The following AGBL4 variants were observed in gnomAD, a reference collection of about 807,000 sequenced individuals.
AGBL4 encodes AGBL carboxypeptidase 4.
Under a neutral mutation model 66.4 loss-of-function variants are expected in AGBL4, and 58 were observed. That is an observed-to-expected ratio of 0.87 (90% confidence interval 0.71 to 1.09). The LOEUF (loss-of-function observed/expected upper bound fraction) is 1.09. Ranked by LOEUF, AGBL4 falls within the 50% of genes least tolerant of loss-of-function variation. AGBL4 has a pLI of 0.00. For missense variants in AGBL4, 579 were observed against 631.0 expected (o/e 0.92, Z 0.88); for synonymous variants, 234 against 222.9 (o/e 1.05, Z -0.44).
the AGBL4 span, among the ~76,000 whole-genome samples, chr1:48,527,000 G>A: frequency 6.6e-6 from 1 of 152,126 alleles, no homozygotes. Context: ...CTGAGTTGGA[G>A]CTTAATTCTG....
In AGBL4 at chr1:48,970,746, C is replaced by T. The variant is rs895299778; in HGVS notation, c.594+74838G>A. ...TTGGAGTAGCCTAACAAGGCCTTTC[C>T]GCGACACATATGTGGGGTAGTGGAA... On this transcript the variant is annotated intron_variant, in intron 5 of 13. Coordinates refer to ENST00000371839, the MANE Select transcript of AGBL4 (RefSeq NM_032785.4). 1.3e-4 allele frequency among the ~76,000 whole-genome samples: 20 copies of T among 152,136 alleles called. 1 individual carries two copies. In the East Asian group the frequency reaches 2.1e-3, roughly 16 times the overall value.
chr1:48,957,792 T>G (rs1657607255), intron 5 of AGBL4, among the ~76,000 whole-genome samples: 1 of 152,186 alleles, frequency 6.6e-6, no homozygotes, highest in Admixed American at 6.5e-5. Flanking sequence ...GCTCCCTGAT[T>G]CCAACAACTG....
chr1:48,750,588 T>G (rs1651545479), intron 6 of AGBL4, among the ~76,000 whole-genome samples: 1 of 152,210 alleles, frequency 6.6e-6, no homozygotes, highest in South Asian at 2.1e-4. Context: ...AGACTGTGAC[T>G]TCTTTAAGGT....
At chr1:49,438,078 G>T (rs914356132) in intron 3 of AGBL4, among the ~76,000 whole-genome samples, 2 of 152,124 alleles carry the variant, frequency 1.3e-5, no homozygotes, top group Non-Finnish European at 2.9e-5. Flanking sequence ...CAATCACTCC[G>T]TGAGGACTAT....
intron 5 of AGBL4, among the ~76,000 whole-genome samples, chr1:49,028,529 AATG>A (rs1191923356): frequency 6.6e-6 from 1 of 152,202 alleles, no homozygotes; most frequent in African/African-American, 2.4e-5. Context: ...TCATAGTCAA[AATG>A]ATGAAAGCTT....
chr1:49,613,733 T>C (rs1299163185), intron 3 of AGBL4, among the ~76,000 whole-genome samples: 4 of 152,136 alleles, frequency 2.6e-5, no homozygotes, highest in Non-Finnish European at 4.4e-5. Context: ...GATTCAATAT[T>C]ATGGTGAGCT....
intron 6 of AGBL4, among the ~76,000 whole-genome samples, chr1:48,819,792 C>A (rs2148768669): frequency 6.6e-6 from 1 of 152,306 alleles, no homozygotes; most frequent in East Asian, 1.9e-4. Context: ...TGTTTCTGTT[C>A]TCTTTAAAGT....
chr1:48,899,083 A>G (rs1047375265), intron 5 of AGBL4, among the ~76,000 whole-genome samples: 4 of 152,222 alleles, frequency 2.6e-5, no homozygotes, highest in Non-Finnish European at 5.9e-5. Context: ...CGCTCGGCTC[A>G]GCCTCCCTGC....
intron 6 of AGBL4, among the ~76,000 whole-genome samples, chr1:48,738,800 T>C (rs1229066156): frequency 1.3e-5 from 2 of 152,328 alleles, no homozygotes; most frequent in Non-Finnish European, 2.9e-5. Context: ...AAAGGGGTAC[T>C]AGTATTTTTT....
chr1:49,519,220 G>A (rs1176064219), intron 3 of AGBL4, among the ~76,000 whole-genome samples: 1 of 152,028 alleles, frequency 6.6e-6, no homozygotes, highest in Non-Finnish European at 1.5e-5. Flanking sequence ...GTGATCTTGG[G>A]TGAGTCTCTT....
intron 2 of AGBL4, among the ~76,000 whole-genome samples, chr1:49,761,958 T>A (rs925305802): frequency 6.6e-5 from 10 of 152,196 alleles, no homozygotes; most frequent in African/African-American, 2.4e-4. Flanking sequence ...TATACCATAT[T>A]TTATTTATCC....
At chr1:49,289,071 A>G (rs1644485534) in intron 3 of AGBL4, among the ~76,000 whole-genome samples, 1 of 152,100 alleles carries the variant, frequency 6.6e-6, no homozygotes, top group African/African-American at 2.4e-5. Context: ...TCTGACCCAC[A>G]GGCCAATCAA....
chr1:49,489,555 C>T (rs1647145143), intron 3 of AGBL4, among the ~76,000 whole-genome samples: 1 of 151,600 alleles, frequency 6.6e-6, no homozygotes, highest in African/African-American at 2.4e-5. Context: ...CCAATTTGTC[C>T]ATTTTTACTT....
At chr1:49,951,879 G>T (rs1212556403) in intron 1 of AGBL4, among the ~76,000 whole-genome samples, 1 of 151,682 alleles carries the variant, frequency 6.6e-6, no homozygotes, top group African/African-American at 2.4e-5. Context: ...TTCATTTATG[G>T]TTATACCGCT....
At chr1:49,575,074 T>G (rs1041513875) in intron 3 of AGBL4, among the ~76,000 whole-genome samples, 2 of 152,240 alleles carry the variant, frequency 1.3e-5, no homozygotes, top group Non-Finnish European at 1.5e-5. Flanking sequence ...TCTCCCATCC[T>G]TCCCCAAAGA....
At chr1:48,585,709 T>C (rs927737881) in intron 11 of AGBL4, 1 of 152,220 alleles carries the variant, frequency 6.6e-6, no homozygotes, top group Non-Finnish European at 1.5e-5. Context: ...GGAACATTGC[T>C]CTAACACCTG....
intron 3 of AGBL4, among the ~76,000 whole-genome samples, chr1:49,323,448 A>ATTTTTTTTTTTT (rs11295329): frequency 8.7e-6 from 1 of 114,888 alleles, no homozygotes; most frequent in African/African-American, 3.4e-5. Flanking sequence ...TGCCTGGCTA[A>ATTTTTTTTTTTT]TTTTTTTTTT....
intron 3 of AGBL4, among the ~76,000 whole-genome samples, chr1:49,615,352 G>T (rs1196327359): frequency 6.6e-6 from 1 of 152,008 alleles, no homozygotes; most frequent in East Asian, 1.9e-4. Context: ...GGGACAAAAT[G>T]GTTTAAAAGA....
At chr1:49,878,698 C>G (rs941047428) in intron 1 of AGBL4, among the ~76,000 whole-genome samples, 1 of 151,440 alleles carries the variant, frequency 6.6e-6, no homozygotes, top group Non-Finnish European at 1.5e-5. Flanking sequence ...GAGCTGAGTT[C>G]AATTCCTGGG....
Sources: allele counts gnomAD v4.1 joint callset (sites outside exome capture counted in the v4.1 genomes callset), GRCh38; gene constraint gnomAD v4.1.1; transcripts MANE v1.5; gene names NCBI Gene and HGNC (gene_info 2026-07-23, HGNC 2026-07-21).